Variants in CANT1 observed in about 807,000 individuals in gnomAD.
The protein encoded by CANT1 is calcium activated nucleotidase 1, also known as soluble calcium-activated nucleotidase 1.
In CANT1, 26 loss-of-function variants were observed where a neutral mutation model predicts 30.0. The ratio of observed to expected loss-of-function variants is 0.87; its 90% CI spans 0.64 to 1.20. The LOEUF is 1.20. CANT1 is among the 50% of genes most tolerant of loss of function. The pLI, the probability that CANT1 is intolerant of heterozygous loss-of-function variation, is 0.00. For missense variants in CANT1, 518 were observed against 563.0 expected, an observed-to-expected ratio of 0.92 and a Z score of 0.81; for synonymous variants, 246 against 251.8, an observed-to-expected ratio of 0.98 and a Z score of 0.22.
chr17:78,993,772 G>A lies in CANT1; in HGVS notation c.984C>T (p.Gly328=). 7 of 1,613,014 alleles carry A rather than the reference G, an allele frequency of 4.3e-6. No individual in the cohort carries two copies. The highest frequency in any genetic ancestry group is 1.1e-5 in the South Asian group (1 of 91,084). ...CCCCGACGTGGCTCACAGCGATGTCGCCGAAGTCAGGGGAGGCGCTCAGCA... is the reference window on the plus strand; with the variant it reads ...CCCCGACGTGGCTCACAGCGATGTCACCGAAGTCAGGGGAGGCGCTCAGCA... ...NLLLSASPDF[G]DIAVSHVGAV... The change falls in exon 5 of 5, where the codon GGC becomes GGT. Residue 328 remains glycine, a synonymous_variant. Coordinates refer to ENST00000392446, the MANE Select transcript of CANT1 (RefSeq NM_001159773.2). The surrounding 1 kb of genome is among the most constrained non-coding windows in gnomAD (Gnocchi z 4.5).
Position 79,002,777 on chromosome 17 carries a change from T to A in CANT1, c.-146-4814A>T, listed in dbSNP as rs2071311756. Among the ~76,000 whole-genome samples the A allele has an allele frequency of 1.3e-5, 2 of 152,204 alleles. No homozygotes were observed. Among genetic ancestry groups the A allele is most frequent in the Admixed American group, 6.5e-5 (1 of 15,284 alleles). On this transcript the variant is annotated intron_variant, in intron 1 of 4. Transcript: ENST00000392446. This position sits in a 1 kb window ranked among gnomAD's most constrained non-coding sequence, Gnocchi z 4.0. The stretch of plus-strand genomic sequence containing the variant: ...AAGTCTGGATTCCAAGTCTAGTAGA[T>A]CCCAATGCCTTCCATCTGAAGGACA...
At position 78,995,173 on chromosome 17, in the gene CANT1, C is replaced by T; in HGVS notation, c.680G>A (p.Gly227Asp). The change falls in exon 4 of 5, where the codon GGC becomes GAC. Residue 227 changes from glycine (G) to aspartate (D), a missense_variant. This residue lies in a region of CANT1 where 48 missense variants were observed against 82.5 expected (regional missense o/e 0.58). Coordinates refer to ENST00000392446, the MANE Select transcript of CANT1 (RefSeq NM_001159773.2). The surrounding 1 kb of genome is among the most constrained non-coding windows in gnomAD (Gnocchi z 5.7). Reference sequence around the variant, plus strand: ...GGTCGTCCACTCCTTGCCCAGGCCGCCCACGTACAGACGCTCGTCCTTCAC... The same window carrying T: ...GGTCGTCCACTCCTTGCCCAGGCCGTCCACGTACAGACGCTCGTCCTTCAC... ...LAVKDERLYV[G>D]GLGKEWTTTT... The T allele has an allele frequency of 6.2e-7, 1 of 1,614,010 alleles. No individual in the cohort carries two copies. Among genetic ancestry groups the T allele is most frequent in the Non-Finnish European group, 8.5e-7 (1 of 1,179,952 alleles).
Position 79,002,936 on chromosome 17 carries a change from C to T in CANT1, c.-146-4973G>A, listed in dbSNP as rs140965427. ...CTCCTGGCATCTACACCGTGGCACACGCTCCCCACCCGGGAGGCTCATGTC... is the reference window on the plus strand; with the variant it reads ...CTCCTGGCATCTACACCGTGGCACATGCTCCCCACCCGGGAGGCTCATGTC... On this transcript the variant is annotated intron_variant, in intron 1 of 4. Transcript: ENST00000392446. The surrounding 1 kb of genome is among the most constrained non-coding windows in gnomAD (Gnocchi z 4.0). Among the ~76,000 whole-genome samples, 2,282 of 151,926 alleles carry T rather than the reference C, an allele frequency of 0.015. 21 individuals are homozygous for T. The highest frequency in any genetic ancestry group is 0.025 in the Non-Finnish European group (1,679 of 67,964).
rs1157018763 is a variant in CANT1 at position 79,002,357 on chromosome 17, CT to C, written c.-146-4395del. Among the ~76,000 whole-genome samples the C allele has an allele frequency of 6.6e-6, 1 of 152,174 alleles. No individual in the cohort carries two copies. Among genetic ancestry groups the C allele is most frequent in the African/African-American group, 2.4e-5 (1 of 41,432 alleles). ...GAGAACTGTGCACAGGGGCTGACTG[CT>C]ACTGCTTCTCACTCACTCTACAAGT... On this transcript the variant is annotated intron_variant, in intron 1 of 4. Coordinates refer to ENST00000392446, the MANE Select transcript of CANT1 (RefSeq NM_001159773.2). The surrounding 1 kb of genome is among the most constrained non-coding windows in gnomAD (Gnocchi z 4.0).
chr17:78,996,965 C>T lies in CANT1; in HGVS notation c.631+27G>A, dbSNP rs369402550. On this transcript the variant is annotated intron_variant, in intron 3 of 4. Transcript: ENST00000392446. This position sits in a 1 kb window ranked among gnomAD's most constrained non-coding sequence, Gnocchi z 5.1. Reference sequence around the variant, plus strand: ...CTGAGCTCCCACTCCCCACCCACACCTCCATAAAACCTCAGGGTCCAGTTA... The same window carrying T: ...CTGAGCTCCCACTCCCCACCCACACTTCCATAAAACCTCAGGGTCCAGTTA... 40 of 1,612,732 alleles carry T rather than the reference C, an allele frequency of 2.5e-5. No individual in the cohort carries two copies. In the African/African-American group the frequency reaches 5.1e-4, roughly 20 times the overall value.
intron 1 of CANT1, among the ~76,000 whole-genome samples, chr17:78,999,522 T>C (rs999716097): frequency 2.0e-5 from 3 of 152,198 alleles, no homozygotes; most frequent in African/African-American, 7.2e-5. Context: ...GGCCTCGCTC[T>C]GTTGCCCAGG....
At position 78,992,338 on chromosome 17, in the gene CANT1, G is replaced by C. The variant is rs1049512078; in HGVS notation, c.*1212C>G. The C allele has an allele frequency of 4.0e-5, 10 of 249,254 alleles. No individual in the cohort carries two copies. The highest frequency in any genetic ancestry group is 7.9e-5 in the Non-Finnish European group (10 of 126,700). 15.4% of individuals were successfully genotyped at this position (249,254 alleles called of 1,614,324 possible). On this transcript the variant is annotated 3_prime_UTR_variant, in exon 5 of 5. Transcript: ENST00000392446. ...GGGTAGGAGTGAGGGTGGGGGTCGG[G>C]GTGAGGTAGTGCTGTGGGGAGGGCA...
At position 79,008,379 on chromosome 17, in the gene CANT1, G is replaced by C. The variant is rs149277641; in HGVS notation, c.-147+1285C>G. Among the ~76,000 whole-genome samples, 204 of 152,334 alleles carry C rather than the reference G, an allele frequency of 1.3e-3. No homozygotes were observed. Among genetic ancestry groups the C allele is most frequent in the African/African-American group, 4.7e-3 (195 of 41,574 alleles). On this transcript the variant is annotated intron_variant, in intron 1 of 4. Transcript: ENST00000392446. The surrounding 1 kb of genome is among the most constrained non-coding windows in gnomAD (Gnocchi z 4.4). ...GAGCTGGGAGATAGCGGATCCTGAA[G>C]GGCTGCGGCACCCGCTTCCTTTTAG...
At chr17:79,005,654 C>G (rs1022695106) in intron 1 of CANT1, among the ~76,000 whole-genome samples, 13 of 152,108 alleles carry the variant, frequency 8.5e-5, no homozygotes, top group African/African-American at 2.9e-4. Flanking sequence ...GCAGGTGCGC[C>G]AACCCCTTAT....
At position 79,008,632 on chromosome 17, in the gene CANT1, G is replaced by C. The variant is rs1342602394; in HGVS notation, c.-147+1032C>G. On this transcript the variant is annotated intron_variant, in intron 1 of 4. Transcript: ENST00000392446. This position sits in a 1 kb window ranked among gnomAD's most constrained non-coding sequence, Gnocchi z 4.4. ...CTAAGGGGGAAAGGTGTTTGGGAGA[G>C]AGATGTGTCTGCTGATGGAAGAGTG... is the stretch of plus-strand genomic sequence containing the variant. Among the ~76,000 whole-genome samples the C allele has an allele frequency of 6.6e-6, 1 of 152,216 alleles. No homozygotes were observed. Among genetic ancestry groups the C allele is most frequent in the Non-Finnish European group, 1.5e-5 (1 of 68,044 alleles).
At chr17:79,001,583 G>T in intron 1 of CANT1, among the ~76,000 whole-genome samples, 1 of 33,660 alleles carries the variant, frequency 3.0e-5, no homozygotes, top group Non-Finnish European at 5.6e-5. Context: ...AGGCCCCCTC[G>T]CCCACCATGG....
chr17:78,993,647 A>G lies in CANT1; in HGVS notation c.1109T>C (p.Val370Ala). The G allele has an allele frequency of 6.2e-7, 1 of 1,614,080 alleles. No individual in the cohort carries two copies. Among genetic ancestry groups the G allele is most frequent in the South Asian group, 1.1e-5 (1 of 91,078 alleles). ...ALKSEEDSGR[V>A]ASYIMAFTLD... The stretch of plus-strand genomic sequence containing the variant: ...CGTGAAGGCCATGATGTAGGAGGCG[A>G]CTCTGCCGCTGTCCTCCTCGGATTT... The change falls in exon 5 of 5, where the codon GTC becomes GCC. Residue 370 changes from valine to alanine, a missense_variant. By Grantham distance (64) the Val-to-Ala change is moderately conservative (BLOSUM62 0). Around this residue, in one of 3 missense-constraint regions of CANT1, gnomAD observed 221 missense variants for 211.8 expected, o/e 1.04. Transcript: ENST00000392446. This position sits in a 1 kb window ranked among gnomAD's most constrained non-coding sequence, Gnocchi z 4.5.
At chr17:79,005,211 GGA>G (rs200397141) in intron 1 of CANT1, among the ~76,000 whole-genome samples, 10 of 138,290 alleles carry the variant, frequency 7.2e-5, no homozygotes, top group South Asian at 2.3e-4. Context: ...GGGGAGTTAG[GGA>G]GAAGGGAGTT....
At chr17:79,009,409 G>A (rs1418332635) in intron 1 of CANT1, among the ~76,000 whole-genome samples, 1 of 152,224 alleles carries the variant, frequency 6.6e-6, no homozygotes, top group Non-Finnish European at 1.5e-5. Context: ...CCAGGGATGA[G>A]GTGTCCCAAA....
At chr17:79,003,368 C>A (rs1170125675) in intron 1 of CANT1, among the ~76,000 whole-genome samples, 5 of 149,842 alleles carry the variant, frequency 3.3e-5, no homozygotes, top group African/African-American at 4.9e-5. Context: ...TGAGCTACCA[C>A]TGGCTGCCGG....
chr17:78,997,495 CAGCGGGGGCGGA>C lies in CANT1; in HGVS notation c.116_127del (p.Phe39_Arg42del). 5 of 1,581,242 alleles carry C rather than the reference CAGCGGGGGCGGA, an allele frequency of 3.2e-6. No homozygotes were observed. Among genetic ancestry groups the C allele is most frequent in the Non-Finnish European group, 4.3e-6 (5 of 1,162,000 alleles). On this transcript the variant is annotated inframe_deletion, in exon 3 of 5. Coordinates refer to ENST00000392446, the MANE Select transcript of CANT1 (RefSeq NM_001159773.2). The surrounding 1 kb of genome is among the most constrained non-coding windows in gnomAD (Gnocchi z 7.5). Reference sequence around the variant, plus strand: ...CACAAAGAACGTCAGGATCACCTTCCAGCGGGGGCGGAAGCGGGGGTCCGCGGCCTTGGTCAT... The same window carrying C: ...CACAAAGAACGTCAGGATCACCTTCCAGCGGGGGTCCGCGGCCTTGGTCAT...
rs754334019 is a variant in CANT1 at position 78,997,017 on chromosome 17, G to C, written c.606C>G (p.Ser202=). Reference sequence around the variant, plus strand: ...CTTTCTCCACGGTGCCGTCGCCGTCGGACAGAATCACCCAGGGCACGGCTT... The same window carrying C: ...CTTTCTCCACGGTGCCGTCGCCGTCCGACAGAATCACCCAGGGCACGGCTT... ...GSKAVPWVIL[S]DGDGTVEKGF... is the part of the protein sequence containing the mutation. The change falls in exon 3 of 5, where the codon TCC becomes TCG. Residue 202 remains serine (S), a synonymous_variant. Transcript: ENST00000392446. This position sits in a 1 kb window ranked among gnomAD's most constrained non-coding sequence, Gnocchi z 7.5. 2 of 1,614,030 alleles carry C rather than the reference G, an allele frequency of 1.2e-6. No individual in the cohort carries two copies. Among genetic ancestry groups the C allele is most frequent in the African/African-American group, 2.7e-5 (2 of 74,908 alleles).
intron 1 of CANT1, among the ~76,000 whole-genome samples, chr17:79,003,453 T>TG (rs1215015491): frequency 2.4e-5 from 2 of 83,092 alleles, no homozygotes; most frequent in Non-Finnish European, 4.4e-5. Flanking sequence ...TTTTCGGGGG[T>TG]GGGGGGTGGG....
rs553816601 is a variant in CANT1 at position 78,998,926 on chromosome 17, C to T, written c.-146-963G>A. Among the ~76,000 whole-genome samples, 21 of 152,286 alleles carry T rather than the reference C, an allele frequency of 1.4e-4. No individual in the cohort carries two copies. In the South Asian group the frequency reaches 1.9e-3, roughly 14 times the overall value. Reference sequence around the variant, plus strand: ...GCAGACGCTGTCCTCCCTGCCAGGGCGCCTGGGAAGGGCTTGGGGACTCCA... The same window carrying T: ...GCAGACGCTGTCCTCCCTGCCAGGGTGCCTGGGAAGGGCTTGGGGACTCCA... On this transcript the variant is annotated intron_variant, in intron 1 of 4. Coordinates refer to ENST00000392446, the MANE Select transcript of CANT1 (RefSeq NM_001159773.2). The surrounding 1 kb of genome is among the most constrained non-coding windows in gnomAD (Gnocchi z 4.5).
Sources: allele counts gnomAD v4.1 joint callset (sites outside exome capture counted in the v4.1 genomes callset), GRCh38; gene constraint gnomAD v4.1.1; regional missense constraint gnomAD v4.1.1; non-coding constraint Gnocchi (gnomAD v3.1); transcripts MANE v1.5; gene names NCBI Gene and HGNC (gene_info 2026-07-23, HGNC 2026-07-21).